Variants in CTIF observed in about 807,000 individuals in gnomAD.
The protein encoded by CTIF is CBP80/20-dependent translation initiation factor.
A neutral mutation model predicts 66.0 loss-of-function variants in CTIF; 21 were observed. That is an observed-to-expected ratio of 0.32 (90% CI 0.23 to 0.46). CTIF has a LOEUF of 0.46. Ranked by LOEUF, CTIF falls within the 20% of genes least tolerant of loss-of-function variation. CTIF has a pLI of 1.00. For synonymous variants in CTIF, 345 were observed against 326.4 expected, an observed-to-expected ratio of 1.06 and a Z score of -0.62; for missense variants, 739 against 812.7, an observed-to-expected ratio of 0.91 and a Z score of 1.10.
intron 10 of CTIF, among the ~76,000 whole-genome samples, chr18:48,846,720 C>CGGAT (rs747412531): frequency 6.2e-4 from 57 of 92,302 alleles, no homozygotes; most frequent in East Asian, 9.8e-4. Flanking sequence ...GATAGATGGG[C>CGGAT]GGATGGATGG....
chr18:48,768,745 G>GAA (rs149617615), intron 9 of CTIF, among the ~76,000 whole-genome samples: 5 of 148,862 alleles, frequency 3.4e-5, no homozygotes, highest in Non-Finnish European at 6.0e-5. Context: ...CCCCATCTTT[G>GAA]AAAAAAAAAA....
chr18:48,678,328 T>TCC (rs1284789638), intron 6 of CTIF, among the ~76,000 whole-genome samples: 1 of 152,128 alleles, frequency 6.6e-6, no homozygotes, highest in African/African-American at 2.4e-5. Context: ...GTAGTGGCCT[T>TCC]CCCCATCCCT....
intron 3 of CTIF, among the ~76,000 whole-genome samples, chr18:48,641,817 C>A (rs904761338): frequency 6.6e-6 from 1 of 152,204 alleles, no homozygotes; most frequent in Non-Finnish European, 1.5e-5. Flanking sequence ...CTCTACTGTT[C>A]CCCATCCCCT....
At chr18:48,589,842 G>C (rs2089851505) in intron 1 of CTIF, among the ~76,000 whole-genome samples, 1 of 152,214 alleles carries the variant, frequency 6.6e-6, no homozygotes. Context: ...AGCCTAGGGT[G>C]GGGCAGAGCC....
chr18:48,832,477 G>T (rs1258758977), intron 10 of CTIF, among the ~76,000 whole-genome samples: 1 of 152,160 alleles, frequency 6.6e-6, no homozygotes, highest in African/African-American at 2.4e-5. Flanking sequence ...CACATAGAAA[G>T]GGAAGAGAAG....
chr18:48,708,992 T>A (rs2092193455), intron 6 of CTIF, among the ~76,000 whole-genome samples: 1 of 152,218 alleles, frequency 6.6e-6, no homozygotes, highest in South Asian at 2.1e-4. Context: ...ATGATGATGA[T>A]GATGGCATCG....
chr18:48,764,276 T>G (rs1909298701), intron 9 of CTIF, among the ~76,000 whole-genome samples: 1 of 152,208 alleles, frequency 6.6e-6, no homozygotes, highest in Non-Finnish European at 1.5e-5. Flanking sequence ...GGCACCAGCC[T>G]GGGGACTGAG....
At chr18:48,817,605 A>G (rs968920146) in intron 10 of CTIF, among the ~76,000 whole-genome samples, 7 of 152,048 alleles carry the variant, frequency 4.6e-5, no homozygotes, top group Non-Finnish European at 7.4e-5. Context: ...ATGAAACCCC[A>G]TCTCTACTAA....
In CTIF at chr18:48,829,576, G is replaced by A. The variant is rs117773323; in HGVS notation, c.1527+12200G>A. On this transcript the variant is annotated intron_variant, in intron 10 of 11. Transcript: ENST00000256413. Reference sequence around the variant, plus strand: ...TCCGTGCTTCCCAGAGTGGGCCCCCGCCTTGCCCAGCCTCCGTGCTCCAGC... The same window carrying A: ...TCCGTGCTTCCCAGAGTGGGCCCCCACCTTGCCCAGCCTCCGTGCTCCAGC... Among the ~76,000 whole-genome samples, 1,278 of 152,264 alleles carry A rather than the reference G, an allele frequency of 8.4e-3. 15 individuals carry two copies. Among genetic ancestry groups the A allele is most frequent in the Non-Finnish European group, 0.015 (993 of 68,002 alleles).
chr18:48,829,368 G>A (rs2068644823), intron 10 of CTIF, among the ~76,000 whole-genome samples: 2 of 151,996 alleles, frequency 1.3e-5, no homozygotes. Flanking sequence ...TGGTTGGGAG[G>A]ACTGGTTGGG....
At chr18:48,776,302 A>G (rs1032769679) in intron 9 of CTIF, among the ~76,000 whole-genome samples, 8 of 152,116 alleles carry the variant, frequency 5.3e-5, no homozygotes, top group African/African-American at 4.8e-5. Context: ...CCAGAGCTAT[A>G]TGGAGATGGG....
intron 1 of CTIF, chr18:48,568,212 T>A (rs1322426791): frequency 6.6e-6 from 1 of 152,092 alleles, no homozygotes; most frequent in Non-Finnish European, 1.5e-5. Flanking sequence ...CCTGTACCTA[T>A]GAGATAGCAA....
intron 1 of CTIF, among the ~76,000 whole-genome samples, chr18:48,590,796 T>C (rs1224938708): frequency 6.6e-6 from 1 of 152,160 alleles, no homozygotes; most frequent in East Asian, 1.9e-4. Context: ...TCCACTGGCT[T>C]CTGCCACTCC....
chr18:48,540,300 G>A (rs778028872), intron 1 of CTIF: 2 of 151,564 alleles, frequency 1.3e-5, no homozygotes, highest in South Asian at 2.1e-4. Context: ...GAGGCCGTGG[G>A]GTGGGCTCCG....
chr18:48,774,375 G>A (rs1445449754), intron 9 of CTIF, among the ~76,000 whole-genome samples: 1 of 152,154 alleles, frequency 6.6e-6, no homozygotes, highest in East Asian at 1.9e-4. Flanking sequence ...TACACCGCCA[G>A]AGTGCCTCAC....
At chr18:48,796,173 A>G (rs1375527038) in intron 9 of CTIF, among the ~76,000 whole-genome samples, 1 of 149,836 alleles carries the variant, frequency 6.7e-6, no homozygotes, top group East Asian at 2.0e-4. Flanking sequence ...TTTTTTAATT[A>G]TTTTATTTTA....
intron 3 of CTIF, among the ~76,000 whole-genome samples, chr18:48,662,879 A>G (rs1400122441): frequency 1.3e-5 from 2 of 152,090 alleles, no homozygotes; most frequent in Non-Finnish European, 2.9e-5. Flanking sequence ...ATGTGAACAT[A>G]CCACGGTTTA....
chr18:48,633,723 A>ATAAATAAC lies in CTIF; in HGVS notation c.181-2884_181-2883insCTAAATAA, dbSNP rs545770055. Among the ~76,000 whole-genome samples the ATAAATAAC allele has an allele frequency of 2.8e-3, 422 of 151,820 alleles. 9 individuals carry two copies. Among genetic ancestry groups the ATAAATAAC allele is most frequent in the African/African-American group, 9.2e-3 (381 of 41,354 alleles). On this transcript the variant is annotated intron_variant, in intron 2 of 11. Coordinates refer to ENST00000256413, the MANE Select transcript of CTIF (RefSeq NM_014772.3). The stretch of plus-strand genomic sequence containing the variant: ...TCTCAATAAATAAATAAATAAATAA[A>ATAAATAAC]TAAATAAATAAATAAATGTACATAT...
intron 10 of CTIF, among the ~76,000 whole-genome samples, chr18:48,843,662 C>G (rs190661187): frequency 6.6e-6 from 1 of 152,156 alleles, no homozygotes; most frequent in African/African-American, 2.4e-5. Context: ...AGCACCCCTC[C>G]CTTATCTAGG....
Sources: gnomAD v4.1 joint callset for allele counts (sites outside exome capture counted in the v4.1 genomes callset) on GRCh38, gnomAD v4.1.1 for gene constraint, MANE v1.5 for transcripts, NCBI Gene and HGNC (gene_info 2026-07-23, HGNC 2026-07-21) for gene names.